Variants in KLHL7 observed in about 807,000 individuals in gnomAD.
KLHL7 encodes the protein kelch-like protein 7.
A neutral mutation model predicts 67.4 loss-of-function variants in KLHL7; 44 were observed. The observed-to-expected ratio is 0.65, with a 90% CI of 0.51 to 0.84. KLHL7 has a LOEUF of 0.84. Among genes scored for constraint, KLHL7 ranks in the 40% least tolerant of loss-of-function variants. The pLI, the probability that KLHL7 is intolerant of heterozygous loss-of-function variation, is 0.00. For synonymous variants in KLHL7, 252 were observed against 243.3 expected, an observed-to-expected ratio of 1.04 and a Z score of -0.33; for missense variants, 362 against 718.1, an observed-to-expected ratio of 0.50 and a Z score of 5.67.
intron 7 of KLHL7, among the ~76,000 whole-genome samples, chr7:23,152,980 A>G (rs567293408): frequency 6.6e-6 from 1 of 152,296 alleles, no homozygotes; most frequent in East Asian, 1.9e-4. Flanking sequence ...CCAAACACAT[A>G]ATGATCTCTT....
intron 9 of KLHL7, among the ~76,000 whole-genome samples, chr7:23,170,735 A>G (rs1785132560): frequency 6.6e-6 from 1 of 152,212 alleles, no homozygotes; most frequent in Non-Finnish European, 1.5e-5. Context: ...GTGTCAAAAT[A>G]TCACAGGTAC....
chr7:23,117,804 T>G, intron 1 of KLHL7: 1 of 1,573,002 alleles, frequency 6.4e-7, no homozygotes, highest in South Asian at 1.1e-5. Flanking sequence ...CCCCATCTAA[T>G]AAGGGCCTCA....
At chr7:23,165,614 A>G in intron 7 of KLHL7, 84 bp from the exon 8 acceptor site, 4 of 1,421,164 alleles carry the variant, frequency 2.8e-6, no homozygotes, top group Non-Finnish European at 4.0e-6. Context: ...ATATTCTTAT[A>G]TGTTTTTTGA....
chr7:23,167,265 T>C (rs1233858085), intron 8 of KLHL7, among the ~76,000 whole-genome samples: 3 of 152,046 alleles, frequency 2.0e-5, no homozygotes, highest in African/African-American at 7.2e-5. Context: ...TCAAAATACA[T>C]CAGAAATATA....
chr7:23,153,129 A>T (rs1252960936), intron 7 of KLHL7, among the ~76,000 whole-genome samples: 1 of 152,202 alleles, frequency 6.6e-6, no homozygotes, highest in Non-Finnish European at 1.5e-5. Flanking sequence ...TTTCTCTCCT[A>T]AAAGGTATAA....
At chr7:23,163,257 G>T (rs1434551210) in intron 7 of KLHL7, among the ~76,000 whole-genome samples, 1 of 150,650 alleles carries the variant, frequency 6.6e-6, no homozygotes, top group Non-Finnish European at 1.5e-5. Context: ...TGCAACTTCT[G>T]CCTCCCAGGT....
At chr7:23,121,705 T>C (rs1193533461) in intron 1 of KLHL7, among the ~76,000 whole-genome samples, 1 of 144,376 alleles carries the variant, frequency 6.9e-6, no homozygotes, top group Non-Finnish European at 1.5e-5. Context: ...TTAGTTGAGA[T>C]AGAGTCTCGC....
chr7:23,158,336 G>A (rs1045907733), intron 7 of KLHL7, among the ~76,000 whole-genome samples: 1 of 152,050 alleles, frequency 6.6e-6, no homozygotes, highest in African/African-American at 2.4e-5. Flanking sequence ...TGAGCACAGG[G>A]CTGAAGGGAT....
rs1785245123 is a variant in KLHL7, at chr7:23,174,381, T to C, written c.*83T>C. ...TTCCAGGAGTTTGGTGACAAAGTTT[T>C]GGTTTGGTGTTTTGGTAAAGAAAGT... On this transcript the variant is annotated 3_prime_UTR_variant, in exon 11 of 11. Transcript: ENST00000339077. The C allele has an allele frequency of 6.7e-7, 1 of 1,489,656 alleles. No individual in the cohort carries two copies. Among genetic ancestry groups the C allele is most frequent in the South Asian group, 1.1e-5 (1 of 87,458 alleles). The allele number at this position is 1,489,656 out of a possible 1,614,324, so 92.3% of individuals were successfully genotyped here. A position where few individuals can be genotyped will look rare whatever the true frequency, so the allele number is the denominator to read the frequency against.
chr7:23,173,129 A>G, intron 10 of KLHL7, 84 bp downstream of exon 10: 1 of 898,102 alleles, frequency 1.1e-6, no homozygotes. Context: ...TTAAAAATCT[A>G]GATAGAAGCA....
At chr7:23,165,171 G>A (rs542371841) in intron 7 of KLHL7, among the ~76,000 whole-genome samples, 28 of 152,138 alleles carry the variant, frequency 1.8e-4, no homozygotes, top group Non-Finnish European at 3.7e-4. Context: ...TTAAAGTCCA[G>A]CTGACTACAT....
At chr7:23,144,935 A>C (rs1361310001) in intron 6 of KLHL7, among the ~76,000 whole-genome samples, 1 of 50,348 alleles carries the variant, frequency 2.0e-5, no homozygotes, top group East Asian at 2.9e-4. Context: ...CCAACTCTCC[A>C]AAAAAAAAAA....
intron 4 of KLHL7, among the ~76,000 whole-genome samples, chr7:23,137,822 C>A (rs1435334213): frequency 2.1e-5 from 3 of 142,996 alleles, no homozygotes; most frequent in African/African-American, 7.8e-5. Context: ...GGCACGGTGA[C>A]TCCTAAAATG....
At chr7:23,152,570 T>G (rs1401673661) in intron 7 of KLHL7, among the ~76,000 whole-genome samples, 1 of 152,182 alleles carries the variant, frequency 6.6e-6, no homozygotes, top group Non-Finnish European at 1.5e-5. Flanking sequence ...TTTTTCCCCT[T>G]AATAATTTTA....
chr7:23,113,737 A>G (rs1349478036), intron 1 of KLHL7, among the ~76,000 whole-genome samples: 1 of 152,140 alleles, frequency 6.6e-6, no homozygotes, highest in African/African-American at 2.4e-5. Flanking sequence ...GAGGCATGAG[A>G]ATCGATTGAA....
chr7:23,150,916 G>A (rs1784511486), intron 6 of KLHL7, among the ~76,000 whole-genome samples: 2 of 152,132 alleles, frequency 1.3e-5, no homozygotes, highest in Admixed American at 6.5e-5. Flanking sequence ...ACTATATTCA[G>A]ATACTTCACC....
intron 6 of KLHL7, among the ~76,000 whole-genome samples, chr7:23,145,648 G>A (rs963730009): frequency 6.6e-6 from 1 of 152,204 alleles, no homozygotes; most frequent in Non-Finnish European, 1.5e-5. Context: ...TATTGTCTCA[G>A]GGAACTATAA....
At chr7:23,142,211 T>C (rs1784210280) in intron 5 of KLHL7, among the ~76,000 whole-genome samples, 1 of 152,210 alleles carries the variant, frequency 6.6e-6, no homozygotes, top group South Asian at 2.1e-4. Flanking sequence ...CACTTTAATA[T>C]GCAGACTCAC....
intron 4 of KLHL7, among the ~76,000 whole-genome samples, chr7:23,138,708 T>A (rs1054922189): frequency 1.3e-5 from 2 of 151,600 alleles, no homozygotes; most frequent in African/African-American, 4.8e-5. Flanking sequence ...CAGCTGATTT[T>A]TGTATTTTTA....
Sources: gnomAD v4.1 joint callset for allele counts (sites outside exome capture counted in the v4.1 genomes callset) on GRCh38, gnomAD v4.1.1 for gene constraint, MANE v1.5 for transcripts, NCBI Gene and HGNC (gene_info 2026-07-23, HGNC 2026-07-21) for gene names.